RUBCN: variants seen among roughly 807,000 people sequenced by gnomAD.
The protein encoded by RUBCN is run domain Beclin-1-interacting and cysteine-rich domain-containing protein.
In RUBCN, 74 loss-of-function variants were observed where a neutral mutation model predicts 113.2. That is an observed-to-expected ratio of 0.65 (90% CI 0.54 to 0.79). The LOEUF (loss-of-function observed/expected upper bound fraction) is 0.79. Among genes scored for constraint, RUBCN ranks in the 30% least tolerant of loss-of-function variants. The pLI, the probability that RUBCN is intolerant of heterozygous loss-of-function variation, is 0.00. For synonymous variants in RUBCN, 480 were observed against 490.0 expected (o/e 0.98, Z 0.27); for missense variants, 1,109 against 1,251.7 (o/e 0.89, Z 1.72).
chr3:197,677,595 C>T lies in RUBCN; in HGVS notation c.2431-54G>A, dbSNP rs968190499. ...GGGAGGGAGATGTGAGAAGAGGAATCCAGTGTGGGAAGCCCAGGGCCTTTA... is the reference window on the plus strand; with the variant it reads ...GGGAGGGAGATGTGAGAAGAGGAATTCAGTGTGGGAAGCCCAGGGCCTTTA... On this transcript the variant is annotated intron_variant, in intron 16 of 19. Coordinates refer to ENST00000296343, the MANE Select transcript of RUBCN (RefSeq NM_014687.4). 6.9e-5 allele frequency: 107 copies of T among 1,549,878 alleles called. 1 individual carries two copies. Among genetic ancestry groups the T allele is most frequent in the Non-Finnish European group, 9.1e-5 (102 of 1,123,064 alleles).
At chr3:197,699,131 T>G in intron 7 of RUBCN, 1 of 1,303,000 alleles carries the variant, frequency 7.7e-7, no homozygotes, top group South Asian at 1.3e-5. Flanking sequence ...GGTTCTGAAC[T>G]AAGAAAGGTG....
chr3:197,711,108 G>A (rs1724916578), intron 2 of RUBCN, among the ~76,000 whole-genome samples: 1 of 152,240 alleles, frequency 6.6e-6, no homozygotes, highest in Non-Finnish European at 1.5e-5. Context: ...ACAGGCGTGA[G>A]CCACCACGCC....
chr3:197,684,778 G>A (rs1202015799), intron 11 of RUBCN, among the ~76,000 whole-genome samples: 1 of 151,662 alleles, frequency 6.6e-6, no homozygotes, highest in East Asian at 1.9e-4. Context: ...AACATTTAGT[G>A]CCTAACACAT....
At chr3:197,744,920 C>T (rs1244221290) in intron 1 of RUBCN, among the ~76,000 whole-genome samples, 1 of 152,000 alleles carries the variant, frequency 6.6e-6, no homozygotes, top group African/African-American at 2.4e-5. Flanking sequence ...AGGTATATAT[C>T]CTGTACACCT....
upstream of RUBCN, among the ~76,000 whole-genome samples, chr3:197,741,111 AG>A (rs781669083): frequency 4.6e-4 from 70 of 152,368 alleles, no homozygotes; most frequent in Non-Finnish European, 9.1e-4. Context: ...AAAATAGTCA[AG>A]GTTCTGCTTT....
At chr3:197,745,739 G>T (rs1287305311) in intron 1 of RUBCN, among the ~76,000 whole-genome samples, 2 of 151,538 alleles carry the variant, frequency 1.3e-5, no homozygotes, top group Non-Finnish European at 2.9e-5. Flanking sequence ...AGTGTTAACA[G>T]AAAACTATGA....
chr3:197,674,880 TAAA>T lies in RUBCN; in HGVS notation c.*135_*137del, dbSNP rs796413468. The T allele has an allele frequency of 1.6e-3, 756 of 458,790 alleles. No homozygotes were observed. Among genetic ancestry groups the T allele is most frequent in the Middle Eastern group, 2.4e-3 (4 of 1,638 alleles). The allele number at this position is 458,790 out of a possible 1,614,324, so 28.4% of individuals were successfully genotyped here. A position where few individuals can be genotyped will look rare whatever the true frequency, so the allele number is the denominator to read the frequency against. ...TGCACACAGACGTCAGACAAGTCAG[TAAA>T]AAAAAAAAAAAAGATGATGATAATT... On this transcript the variant is annotated 3_prime_UTR_variant, in exon 20 of 20. Transcript: ENST00000296343.
At chr3:197,725,520 CTTTTTTT>C (rs10718685) in intron 1 of RUBCN, among the ~76,000 whole-genome samples, 29 of 75,336 alleles carry the variant, frequency 3.8e-4, no homozygotes, top group African/African-American at 1.3e-3. Flanking sequence ...ACAGGAGAAT[CTTTTTTT>C]TTTTTTTTTT....
rs962792854 is a variant in RUBCN at position 197,671,327 on chromosome 3, G to C, written c.*3691C>G. On this transcript the variant is annotated 3_prime_UTR_variant, in exon 20 of 20. Transcript: ENST00000296343. ...CGCGCCCGGCTCCTCATCCCACAAG[G>C]TGCTTCTAATCATTGTTCCACTGAG... The C allele has an allele frequency of 6.6e-6, 1 of 152,130 alleles. No individual in the cohort carries two copies. Among genetic ancestry groups the C allele is most frequent in the African/African-American group, 2.4e-5 (1 of 41,414 alleles). 9.4% of individuals were successfully genotyped at this position (152,130 alleles called of 1,614,324 possible). A position where few individuals can be genotyped will look rare whatever the true frequency, so the allele number is the denominator to read the frequency against.
chr3:197,696,890 T>C, intron 8 of RUBCN, 64 bp downstream of exon 8: 1 of 884,560 alleles, frequency 1.1e-6, no homozygotes, highest in Middle Eastern at 2.2e-4. Context: ...ACTCAGAACT[T>C]AGCAGGCACA....
At chr3:197,733,035 T>C (rs1022865833) in intron 1 of RUBCN, among the ~76,000 whole-genome samples, 1 of 152,252 alleles carries the variant, frequency 6.6e-6, no homozygotes, top group African/African-American at 2.4e-5. Flanking sequence ...TCAGGCAGGT[T>C]ACGTAAAGTA....
At chr3:197,714,307 C>T (rs1034225585) in intron 2 of RUBCN, among the ~76,000 whole-genome samples, 1 of 152,102 alleles carries the variant, frequency 6.6e-6, no homozygotes, top group Non-Finnish European at 1.5e-5. Context: ...CCTCCTCAGT[C>T]CTAGGATGGT....
chr3:197,745,584 C>T (rs571022048), intron 1 of RUBCN, among the ~76,000 whole-genome samples: 24 of 151,540 alleles, frequency 1.6e-4, no homozygotes, highest in Non-Finnish European at 2.8e-4. Flanking sequence ...CACTGCACTC[C>T]AGCCTGGGCA....
rs1445656188 is a variant in RUBCN, at chr3:197,684,148, A to G, written c.1847+9T>C. On this transcript the variant is annotated intron_variant, in intron 12 of 19. Transcript: ENST00000296343. ...TCTTTTCTTTTTTTTGGTAAAAAAAAGTACTCACAAGGACTGGGAGGAAAC... is the reference window on the plus strand; with the variant it reads ...TCTTTTCTTTTTTTTGGTAAAAAAAGGTACTCACAAGGACTGGGAGGAAAC... The G allele has an allele frequency of 3.1e-6, 5 of 1,599,616 alleles. No homozygotes were observed. The highest frequency in any genetic ancestry group is 1.3e-5 in the African/African-American group (1 of 74,544).
At chr3:197,677,124 G>A in intron 17 of RUBCN, 86 bp from the exon 18 acceptor site, 1 of 1,418,468 alleles carries the variant, frequency 7.0e-7, no homozygotes, top group Non-Finnish European at 9.9e-7. Context: ...AGAAACTGCA[G>A]AAAGTAATGA....
At chr3:197,692,651 A>C (rs932274435) in intron 11 of RUBCN, among the ~76,000 whole-genome samples, 1 of 152,134 alleles carries the variant, frequency 6.6e-6, no homozygotes, top group Admixed American at 6.5e-5. Context: ...AATCACATAC[A>C]AACAACCAAA....
At chr3:197,701,407 C>A (rs1358809220) in intron 6 of RUBCN, among the ~76,000 whole-genome samples, 1 of 152,142 alleles carries the variant, frequency 6.6e-6, no homozygotes, top group Non-Finnish European at 1.5e-5. Context: ...CACATACAAA[C>A]TGAACACAAC....
In RUBCN at chr3:197,684,174, G is replaced by A. The variant is rs531285000; in HGVS notation, c.1830C>T (p.Phe610=). 13 of 1,612,876 alleles carry A rather than the reference G, an allele frequency of 8.1e-6. No individual in the cohort carries two copies. The highest frequency in any genetic ancestry group is 2.2e-5 in the South Asian group (2 of 91,036). ...GTACTCACAAGGACTGGGAGGAAAC[G>A]AAGGATTTGCTGCTTGAGGCTGTGT... ...RRNTASSSKS[F]VSSQSFSHCF... is the part of the protein sequence containing the mutation. The change falls in exon 12 of 20, where the codon TTC becomes TTT. Residue 610 remains phenylalanine, a synonymous_variant. Coordinates refer to ENST00000296343, the MANE Select transcript of RUBCN (RefSeq NM_014687.4).
Position 197,693,809 on chromosome 3 carries a change from C to A in RUBCN, c.1692G>T (p.Arg564=), listed in dbSNP as rs371302174. 8.1e-6 allele frequency: 13 copies of A among 1,613,156 alleles called. No individual in the cohort carries two copies. The highest frequency in any genetic ancestry group is 1.1e-5 in the Non-Finnish European group (13 of 1,179,198). ...MYQEAEHGSF[R]VTSSSSQFSS... ...TGAACTGGGAGCTGCTGGAGGTGAC[C>A]CGAAAGCCTGTTATGTTTAAAAACA... The change falls in exon 11 of 20, where the codon CGG becomes CGT. Residue 564 remains arginine (R), a synonymous_variant. Transcript: ENST00000296343.
Sources: allele counts gnomAD v4.1 joint callset (sites outside exome capture counted in the v4.1 genomes callset), GRCh38; gene constraint gnomAD v4.1.1; transcripts MANE v1.5; gene names NCBI Gene and HGNC (gene_info 2026-07-23, HGNC 2026-07-21).